Variants in GALNT13 observed in about 807,000 individuals in gnomAD.
GALNT13 encodes the protein polypeptide N-acetylgalactosaminyltransferase 13, also known as UDP-GalNAc:polypeptide N-acetylgalactosaminyltransferase 13.
A neutral mutation model predicts 64.2 loss-of-function variants in GALNT13; 28 were observed. The observed-to-expected ratio is 0.44, with a 90% CI of 0.32 to 0.60. The LOEUF is 0.60. GALNT13 is among the 20% of genes least tolerant of loss of function. The probability of loss-of-function intolerance (pLI) is 0.05; values close to 1 mark genes in which losing one functional copy is unlikely to be tolerated. For missense variants in GALNT13, 577 were observed against 669.8 expected (o/e 0.86, Z 1.53); for synonymous variants, 214 against 224.6 (o/e 0.95, Z 0.42).
At chr2:154,110,043 G>T (rs2105485029) in intron 3 of GALNT13, among the ~76,000 whole-genome samples, 1 of 151,780 alleles carries the variant, frequency 6.6e-6, no homozygotes, top group East Asian at 1.9e-4. Context: ...GTTTGAGAAA[G>T]ATAGATATTG....
the GALNT13 span, among the ~76,000 whole-genome samples, chr2:153,623,565 G>A: frequency 2.0e-5 from 3 of 151,746 alleles, no homozygotes; most frequent in Non-Finnish European, 4.4e-5. Context: ...CCAAATGATG[G>A]CAAATATTTT....
chr2:153,422,924 A>T, the GALNT13 span, among the ~76,000 whole-genome samples: 1 of 152,022 alleles, frequency 6.6e-6, no homozygotes, highest in East Asian at 1.9e-4. Flanking sequence ...TATTTACAAG[A>T]TAATTTCAAT....
intron 3 of GALNT13, among the ~76,000 whole-genome samples, chr2:154,127,781 C>T (rs1682379693): frequency 1.3e-5 from 2 of 150,176 alleles, no homozygotes; most frequent in South Asian, 4.2e-4. Context: ...TCCATATACA[C>T]ACACAGAAAC....
intron 3 of GALNT13, among the ~76,000 whole-genome samples, chr2:154,103,063 A>T (rs540852525): frequency 6.6e-6 from 1 of 152,058 alleles, no homozygotes; most frequent in African/African-American, 2.4e-5. Flanking sequence ...CTCTAGCAAG[A>T]TCAAGTATTT....
chr2:153,438,938 C>T, the GALNT13 span, among the ~76,000 whole-genome samples: 1 of 152,042 alleles, frequency 6.6e-6, no homozygotes, highest in African/African-American at 2.4e-5. Context: ...GTTTTTTCCC[C>T]ATCTTTGTGG....
the GALNT13 span, among the ~76,000 whole-genome samples, chr2:153,677,261 C>T: frequency 6.7e-6 from 1 of 149,830 alleles, no homozygotes. Flanking sequence ...AAATCAAGGA[C>T]ACAATCCTAT....
At chr2:153,717,126 G>T in the GALNT13 span, among the ~76,000 whole-genome samples, 1 of 152,100 alleles carries the variant, frequency 6.6e-6, no homozygotes, top group African/African-American at 2.4e-5. Flanking sequence ...TGCCTGGGTG[G>T]CAGTGTTTAT....
chr2:153,877,417 G>C (rs1269204583), intron 1 of GALNT13, among the ~76,000 whole-genome samples: 1 of 152,072 alleles, frequency 6.6e-6, no homozygotes, highest in Non-Finnish European at 1.5e-5. Flanking sequence ...GTGGTGAGTA[G>C]CCACTGTAAA....
chr2:153,092,980 T>C, the GALNT13 span, among the ~76,000 whole-genome samples: 2 of 152,088 alleles, frequency 1.3e-5, no homozygotes, highest in African/African-American at 4.8e-5. Context: ...ATATTAGCTG[T>C]TGGTCTGTCA....
At chr2:154,325,100 G>A (rs924246397) in intron 9 of GALNT13, among the ~76,000 whole-genome samples, 1 of 151,874 alleles carries the variant, frequency 6.6e-6, no homozygotes, top group Admixed American at 6.6e-5. Context: ...AAACCTTGGG[G>A]CATCCTAGTT....
upstream of GALNT13, among the ~76,000 whole-genome samples, chr2:153,868,870 T>C (rs1337822597): frequency 6.6e-6 from 1 of 152,206 alleles, no homozygotes; most frequent in Non-Finnish European, 1.5e-5. Flanking sequence ...AATGCCAAAC[T>C]TTCTGTTTGA....
intron 1 of GALNT13, among the ~76,000 whole-genome samples, chr2:153,887,945 G>A (rs1167568048): frequency 6.6e-6 from 1 of 151,744 alleles, no homozygotes; most frequent in Non-Finnish European, 1.5e-5. Flanking sequence ...TTTTATTTTC[G>A]GTATGTGATA....
the GALNT13 span, among the ~76,000 whole-genome samples, chr2:153,661,200 A>G: frequency 6.6e-6 from 1 of 152,196 alleles, no homozygotes; most frequent in South Asian, 2.1e-4. Flanking sequence ...GTAAAATACT[A>G]AGTTTATACT....
chr2:153,776,260 G>C, the GALNT13 span, among the ~76,000 whole-genome samples: 1 of 152,090 alleles, frequency 6.6e-6, no homozygotes, highest in Non-Finnish European at 1.5e-5. Context: ...ATCCAGAATT[G>C]TTTTAAAAAA....
At chr2:154,059,146 G>A (rs1700046346) in intron 3 of GALNT13, among the ~76,000 whole-genome samples, 1 of 152,210 alleles carries the variant, frequency 6.6e-6, no homozygotes, top group Non-Finnish European at 1.5e-5. Flanking sequence ...GAAAAACTGC[G>A]GTTACCGCAA....
chr2:154,357,449 G>T (rs1225686285), intron 9 of GALNT13, among the ~76,000 whole-genome samples: 4 of 151,962 alleles, frequency 2.6e-5, no homozygotes, highest in African/African-American at 9.7e-5. Flanking sequence ...TCAACTACAT[G>T]CACAGTGTAA....
intron 3 of GALNT13, among the ~76,000 whole-genome samples, chr2:154,027,332 A>G (rs1698041809): frequency 6.6e-6 from 1 of 152,160 alleles, no homozygotes; most frequent in South Asian, 2.1e-4. Context: ...GGACTACTTA[A>G]CAATATAGAA....
At chr2:154,264,156 G>A (rs182664262) in intron 8 of GALNT13, among the ~76,000 whole-genome samples, 56 of 152,296 alleles carry the variant, frequency 3.7e-4, no homozygotes, top group Non-Finnish European at 2.2e-4. Flanking sequence ...GTCTTCACAA[G>A]TGTGTGAGGA....
the GALNT13 span, among the ~76,000 whole-genome samples, chr2:153,671,806 C>A: frequency 6.6e-6 from 1 of 152,026 alleles, no homozygotes; most frequent in South Asian, 2.1e-4. Context: ...TCAGGAGACC[C>A]ATCTCATGTG....
Sources: gnomAD v4.1 joint callset for allele counts (sites outside exome capture counted in the v4.1 genomes callset) on GRCh38, gnomAD v4.1.1 for gene constraint, MANE v1.5 for transcripts, NCBI Gene and HGNC (gene_info 2026-07-23, HGNC 2026-07-21) for gene names.